TNPO1: variants seen among roughly 807,000 people sequenced by gnomAD.
The protein encoded by TNPO1 is transportin-1.
A neutral mutation model predicts 119.5 loss-of-function variants in TNPO1; 8 were observed. The observed-to-expected ratio is 0.07, with a 90% CI of 0.04 to 0.12. The LOEUF (loss-of-function observed/expected upper bound fraction) is 0.12. Ranked by LOEUF, TNPO1 falls within the 10% of genes least tolerant of loss-of-function variation. The pLI is 1.00. For synonymous variants in TNPO1, 362 were observed against 363.0 expected (o/e 1.00, Z 0.03); for missense variants, 576 against 1,089.8 (o/e 0.53, Z 6.64).
At chr5:72,899,033 G>A (rs553170242) in intron 20 of TNPO1, among the ~76,000 whole-genome samples, 4 of 152,134 alleles carry the variant, frequency 2.6e-5, no homozygotes, top group East Asian at 1.9e-4. Context: ...ATGCAGTTCC[G>A]AGTTGCACTT....
intron 4 of TNPO1, among the ~76,000 whole-genome samples, chr5:72,860,256 T>C (rs1452936746): frequency 6.6e-6 from 1 of 152,352 alleles, no homozygotes; most frequent in Non-Finnish European, 1.5e-5. Flanking sequence ...AATTGAATTT[T>C]CAAAATAACC....
intron 3 of TNPO1, among the ~76,000 whole-genome samples, chr5:72,854,551 A>G (rs902687904): frequency 2.0e-5 from 3 of 152,320 alleles, no homozygotes; most frequent in African/African-American, 7.2e-5. Context: ...GGTAATACTG[A>G]AGAATGATTC....
chr5:72,847,960 T>A, intron 1 of TNPO1: 1 of 653,892 alleles, frequency 1.5e-6, no homozygotes, highest in Non-Finnish European at 1.9e-6. Flanking sequence ...TCTTCAGGTG[T>A]TTCGCAGGGG....
chr5:72,828,538 TGGG>T (rs1376496599), intron 1 of TNPO1, among the ~76,000 whole-genome samples: 1 of 152,132 alleles, frequency 6.6e-6, no homozygotes, highest in Non-Finnish European at 1.5e-5. Context: ...CACAAATTTT[TGGG>T]GGGTCATTTG....
intron 3 of TNPO1, 83 bp from the exon 4 acceptor site, chr5:72,855,691 A>AC (rs1339865249): frequency 8.6e-7 from 1 of 1,165,398 alleles, no homozygotes; most frequent in African/African-American, 1.6e-5. Flanking sequence ...TCAACTTTTG[A>AC]ATATAAATGT....
chr5:72,887,318 C>T, intron 12 of TNPO1, 96 bp downstream of exon 12: 1 of 1,323,824 alleles, frequency 7.6e-7, no homozygotes, highest in East Asian at 2.4e-5. Flanking sequence ...CTATTTTGAA[C>T]CAGATAACTA....
chr5:72,831,878 C>T (rs928893245), intron 1 of TNPO1, among the ~76,000 whole-genome samples: 2 of 151,938 alleles, frequency 1.3e-5, no homozygotes, highest in South Asian at 2.1e-4. Context: ...GTTCAAGTAC[C>T]GTAACTTAAG....
chr5:72,838,040 T>C (rs1047679448), intron 1 of TNPO1, among the ~76,000 whole-genome samples: 1 of 152,340 alleles, frequency 6.6e-6, no homozygotes, highest in East Asian at 1.9e-4. Context: ...GAGATTTCTA[T>C]GAAGAAATGT....
chr5:72,907,137 C>A (rs1750229714), intron 24 of TNPO1, among the ~76,000 whole-genome samples: 1 of 151,108 alleles, frequency 6.6e-6, no homozygotes, highest in Admixed American at 6.9e-5. Context: ...TGTCCTACTT[C>A]AGTCTTGAGT....
At chr5:72,880,970 C>T (rs1185201118) in intron 9 of TNPO1, among the ~76,000 whole-genome samples, 3 of 152,110 alleles carry the variant, frequency 2.0e-5, no homozygotes, top group Non-Finnish European at 4.4e-5. Flanking sequence ...GGTTAATTTC[C>T]ATGTCTTATT....
intron 6 of TNPO1, among the ~76,000 whole-genome samples, chr5:72,866,815 G>T (rs1746941583): frequency 6.6e-6 from 1 of 151,980 alleles, no homozygotes; most frequent in Non-Finnish European, 1.5e-5. Flanking sequence ...ACCATTGCTG[G>T]ATATTAAATA....
At chr5:72,884,124 A>C (rs1748453168) in intron 11 of TNPO1, among the ~76,000 whole-genome samples, 1 of 152,042 alleles carries the variant, frequency 6.6e-6, no homozygotes, top group Non-Finnish European at 1.5e-5. Context: ...TGTATGTTTA[A>C]CCTTTTGAGA....
At chr5:72,825,147 T>G (rs1744147150) in intron 1 of TNPO1, among the ~76,000 whole-genome samples, 1 of 152,156 alleles carries the variant, frequency 6.6e-6, no homozygotes, top group Non-Finnish European at 1.5e-5. Context: ...TACCATCACA[T>G]CTTGTTGGAT....
At chr5:72,894,012 C>G (rs989510620) in intron 18 of TNPO1, among the ~76,000 whole-genome samples, 4 of 152,176 alleles carry the variant, frequency 2.6e-5, no homozygotes, top group African/African-American at 9.7e-5. Context: ...TTAATAGATT[C>G]TTTTTTGAGT....
rs1045948424 is a variant in TNPO1 at position 72,911,642 on chromosome 5, GTTTGTC to G, written c.*2975_*2980del. 3.3e-5 allele frequency: 5 copies of G among 152,504 alleles called. No individual in the cohort carries two copies. Among genetic ancestry groups the G allele is most frequent in the African/African-American group, 4.8e-5 (2 of 41,442 alleles). The allele number at this position is 152,504 out of a possible 1,614,324, so 9.4% of individuals were successfully genotyped here. A position where few individuals can be genotyped will look rare whatever the true frequency, so the allele number is the denominator to read the frequency against. ...TGACTGAATGTCTATAAAATTGTGA[GTTTGTC>G]TTTGTTACATTCCAGTGTTTCTGCC... On this transcript the variant is annotated 3_prime_UTR_variant, in exon 25 of 25. Coordinates refer to ENST00000337273, the MANE Select transcript of TNPO1 (RefSeq NM_002270.4).
intron 9 of TNPO1, among the ~76,000 whole-genome samples, chr5:72,880,982 T>C (rs1180164034): frequency 6.6e-6 from 1 of 152,158 alleles, no homozygotes; most frequent in Non-Finnish European, 1.5e-5. Flanking sequence ...TGTCTTATTT[T>C]CTGACCTCAT....
chr5:72,853,020 T>TG (rs1745700989), intron 3 of TNPO1, among the ~76,000 whole-genome samples: 1 of 152,236 alleles, frequency 6.6e-6, no homozygotes, highest in Non-Finnish European at 1.5e-5. Context: ...TTATTTTCAC[T>TG]AAGCTGTCCA....
intron 3 of TNPO1, among the ~76,000 whole-genome samples, chr5:72,851,986 G>A (rs1220359645): frequency 6.6e-6 from 1 of 152,104 alleles, no homozygotes; most frequent in Non-Finnish European, 1.5e-5. Flanking sequence ...AAATTGAAAG[G>A]TCATATAATC....
At chr5:72,873,906 A>T (rs542656905) in intron 7 of TNPO1, among the ~76,000 whole-genome samples, 1 of 152,226 alleles carries the variant, frequency 6.6e-6, no homozygotes, top group African/African-American at 2.4e-5. Context: ...CTATTAAAGT[A>T]TTAATAGTAG....
Sources: allele counts gnomAD v4.1 joint callset (sites outside exome capture counted in the v4.1 genomes callset), GRCh38; gene constraint gnomAD v4.1.1; transcripts MANE v1.5; gene names NCBI Gene and HGNC (gene_info 2026-07-23, HGNC 2026-07-21).